The following SMC4 variants were observed in gnomAD, a reference collection of about 807,000 sequenced individuals.
SMC4 encodes structural maintenance of chromosomes 4, also known as structural maintenance of chromosomes protein 4.
A neutral mutation model predicts 145.6 loss-of-function variants in SMC4; 87 were observed. The observed-to-expected ratio is 0.60, with a 90% CI of 0.50 to 0.71. SMC4 has a LOEUF of 0.71. Among genes scored for constraint, SMC4 ranks in the 30% least tolerant of loss-of-function variants. The pLI, the probability that SMC4 is intolerant of heterozygous loss-of-function variation, is 0.00. For synonymous variants in SMC4, 558 were observed against 500.7 expected (o/e 1.11, Z -1.53); for missense variants, 1,447 against 1,537.1 (o/e 0.94, Z 0.98).
rs766073090 is a variant in SMC4 at position 160,411,998 on chromosome 3, G to C, written c.766G>C (p.Asp256His). The stretch of plus-strand genomic sequence containing the variant: ...TGAGGGTATGCTTGAATATTTAGAA[G>C]ATATAATTGGTTGTGGACGGCTAAA... ...HDEGMLEYLE[D>H]IIGCGRLNEP... The change falls in exon 6 of 24, where the codon GAT (aspartate) becomes CAT (histidine). Residue 256 changes from aspartate (D) to histidine (H), a missense_variant. Physicochemically the swap from Asp to His is moderately conservative, Grantham distance 81. Coordinates refer to ENST00000357388, the MANE Select transcript of SMC4 (RefSeq NM_001002800.3). The C allele has an allele frequency of 6.2e-7, 1 of 1,613,668 alleles. No individual in the cohort carries two copies. Among genetic ancestry groups the C allele is most frequent in the East Asian group, 2.2e-5 (1 of 44,766 alleles).
intron 5 of SMC4, among the ~76,000 whole-genome samples, chr3:160,406,142 TG>T (rs1430395787): frequency 6.6e-6 from 1 of 152,118 alleles, no homozygotes; most frequent in Admixed American, 6.5e-5. Context: ...CTGAAGTATA[TG>T]GGATGCTAAA....
chr3:160,410,671 ATTTC>A lies in SMC4; in HGVS notation c.688-1246_688-1243del, dbSNP rs576412094. ...AAAAGTGATTTATGCAAATAAAATT[ATTTC>A]TTAATGAGTAGATTTTCAAATAAGC... On this transcript the variant is annotated intron_variant, in intron 5 of 23. Coordinates refer to ENST00000357388, the MANE Select transcript of SMC4 (RefSeq NM_001002800.3). Among the ~76,000 whole-genome samples, 208 of 152,292 alleles carry A rather than the reference ATTTC, an allele frequency of 1.4e-3. 1 individual carries two copies. The highest frequency in any genetic ancestry group is 2.4e-3 in the Non-Finnish European group (166 of 68,020).
intron 16 of SMC4, among the ~76,000 whole-genome samples, 162 bp from the exon 17 acceptor site, chr3:160,425,905 ATTTTGTG>A (rs1717741019): frequency 6.6e-6 from 1 of 152,144 alleles, no homozygotes; most frequent in Non-Finnish European, 1.5e-5. Context: ...GAGCTTACAT[ATTTTGTG>A]TTTGTTGGCC....
intron 10 of SMC4, among the ~76,000 whole-genome samples, chr3:160,416,972 A>G (rs996299093): frequency 6.6e-6 from 1 of 152,182 alleles, no homozygotes; most frequent in Non-Finnish European, 1.5e-5. Flanking sequence ...AAAGAAAATA[A>G]ATGTTAGCTA....
intron 9 of SMC4, among the ~76,000 whole-genome samples, chr3:160,414,947 G>A (rs1157615077): frequency 6.6e-6 from 1 of 152,120 alleles, no homozygotes; most frequent in Non-Finnish European, 1.5e-5. Flanking sequence ...CCATTTTGGT[G>A]TTAATTTTAA....
At chr3:160,409,352 TAA>T (rs56658671) in intron 5 of SMC4, among the ~76,000 whole-genome samples, 2,153 of 147,106 alleles carry the variant, frequency 0.015, 52 homozygotes, top group African/African-American at 0.046. Context: ...ATCCTGCCTT[TAA>T]AAAAAAAAAT....
In SMC4 at chr3:160,402,708, T is replaced by C; in HGVS notation, c.351T>C (p.Ser117=). 1.2e-6 allele frequency: 2 copies of C among 1,608,852 alleles called. No individual in the cohort carries two copies. Among genetic ancestry groups the C allele is most frequent in the Non-Finnish European group, 1.7e-6 (2 of 1,178,734 alleles). The change falls in exon 4 of 24, where the codon AGT becomes AGC. Residue 117 remains serine, a synonymous_variant. Coordinates refer to ENST00000357388, the MANE Select transcript of SMC4 (RefSeq NM_001002800.3). ...RFSCIIGPNG[S]GKSNVIDSML... is the part of the protein sequence containing the mutation. ...CCTGTATTATCGGGCCAAATGGCAGTGGCAAATCCAATGTTATTGATTCTA... is the reference window on the plus strand; with the variant it reads ...CCTGTATTATCGGGCCAAATGGCAGCGGCAAATCCAATGTTATTGATTCTA...
chr3:160,400,759 G>C, intron 1 of SMC4, 63 bp from the exon 2 acceptor site: 2 of 1,416,438 alleles, frequency 1.4e-6, no homozygotes, highest in African/African-American at 1.5e-5. Context: ...ATTTCCCCGG[G>C]TGGGGCGGGC....
chr3:160,426,768 G>C (rs1053632779), intron 17 of SMC4, among the ~76,000 whole-genome samples: 1 of 152,194 alleles, frequency 6.6e-6, no homozygotes, highest in African/African-American at 2.4e-5. Flanking sequence ...AGCTGTGCTT[G>C]TCTTTCCATG....
rs771872935 is a variant in SMC4, at chr3:160,433,668, A to C, written c.3726A>C (p.Lys1242Asn). 12 of 1,548,836 alleles carry C rather than the reference A, an allele frequency of 7.7e-6. No individual in the cohort carries two copies. In the South Asian group the frequency reaches 1.5e-4, roughly 19 times the overall value. The change falls in exon 24 of 24, where the codon AAA becomes AAC. Residue 1242 changes from lysine (K) to asparagine (N), a missense_variant. Physicochemically the swap from Lys to Asn is moderately conservative, Grantham distance 94 (BLOSUM62 0). Transcript: ENST00000357388. ...IVAFYIYEQTKNAQFIIISLR... is the reference protein window; with the variant it reads ...IVAFYIYEQTNNAQFIIISLR... ...TTGTTTCTCTTTAGGAACAAACAAA[A>C]AATGCACAGTTCATAATAATTTCTC... is the stretch of plus-strand genomic sequence containing the variant.
At chr3:160,409,265 C>CAAAAAAAAAAAAAA (rs10547167) in intron 5 of SMC4, among the ~76,000 whole-genome samples, 1 of 61,978 alleles carries the variant, frequency 1.6e-5, no homozygotes, top group African/African-American at 5.9e-5. Flanking sequence ...AACTCCGTCT[C>CAAAAAAAAAAAAAA]AAAAAAAAAA....
intron 2 of SMC4, 101 bp downstream of exon 2, chr3:160,401,066 C>T: frequency 7.6e-7 from 1 of 1,311,554 alleles, no homozygotes; most frequent in Non-Finnish European, 9.7e-7. Flanking sequence ...GCGGAGTTGA[C>T]ATCTGAAGGT....
chr3:160,401,469 T>A (rs1386223757), intron 2 of SMC4, among the ~76,000 whole-genome samples: 8 of 152,192 alleles, frequency 5.3e-5, no homozygotes, highest in Non-Finnish European at 2.9e-5. Context: ...TATTAAACCC[T>A]CGTGGCAGTG....
intron 11 of SMC4, among the ~76,000 whole-genome samples, chr3:160,418,906 G>T (rs1716870535): frequency 6.6e-6 from 1 of 152,078 alleles, no homozygotes; most frequent in Admixed American, 6.6e-5. Flanking sequence ...TCGTTTCAGA[G>T]GTGTGCTTTT....
intron 23 of SMC4, 56 bp downstream of exon 23, chr3:160,433,265 TTACA>T: frequency 8.5e-7 from 1 of 1,181,922 alleles, no homozygotes; most frequent in Non-Finnish European, 1.2e-6. Context: ...ATCCTAAACA[TTACA>T]CATGGAATTC....
chr3:160,403,831 G>T (rs991171706), intron 4 of SMC4, among the ~76,000 whole-genome samples: 1 of 151,782 alleles, frequency 6.6e-6, no homozygotes, highest in African/African-American at 2.4e-5. Flanking sequence ...AGGGAATTTA[G>T]TTGTTATTTC....
Position 160,413,564 on chromosome 3 carries a change from C to T in SMC4, c.1072C>T (p.Leu358=). The part of the protein sequence containing the change: ...TKEINEKSNI[L]SNEMKAKNKD... ...AGAAATTAATGAGAAGAGCAATATACTATCAAATGAAATGAAAGCTAAGAA... is the reference window on the plus strand; with the variant it reads ...AGAAATTAATGAGAAGAGCAATATATTATCAAATGAAATGAAAGCTAAGAA... The change falls in exon 8 of 24, where the codon CTA becomes TTA. Residue 358 remains leucine (L), a synonymous_variant. Transcript: ENST00000357388. The T allele has an allele frequency of 6.7e-7, 1 of 1,492,076 alleles. No individual in the cohort carries two copies. Among genetic ancestry groups the T allele is most frequent in the Non-Finnish European group, 9.1e-7 (1 of 1,095,948 alleles). 92.4% of individuals were successfully genotyped at this position (1,492,076 alleles called of 1,614,324 possible).
intron 9 of SMC4, among the ~76,000 whole-genome samples, chr3:160,414,816 C>G (rs764860375): frequency 6.6e-6 from 1 of 152,150 alleles, no homozygotes; most frequent in Non-Finnish European, 1.5e-5. Flanking sequence ...AGAAACCTAC[C>G]TCAGCCTCCC....
At chr3:160,419,891 G>A (rs1174884742) in intron 12 of SMC4, among the ~76,000 whole-genome samples, 2 of 152,048 alleles carry the variant, frequency 1.3e-5, no homozygotes, top group East Asian at 1.9e-4. Context: ...GATCACTTGA[G>A]CCTAGGAGTT....
Sources: allele counts gnomAD v4.1 joint callset (sites outside exome capture counted in the v4.1 genomes callset), GRCh38; gene constraint gnomAD v4.1.1; transcripts MANE v1.5; gene names NCBI Gene and HGNC (gene_info 2026-07-23, HGNC 2026-07-21).